HCN1: variants seen among roughly 807,000 people sequenced by gnomAD.
HCN1 encodes the protein hyperpolarization activated cyclic nucleotide gated potassium channel 1.
Under a neutral mutation model 78.9 loss-of-function variants are expected in HCN1, and 13 were observed. The observed-to-expected ratio is 0.16, with a 90% CI of 0.11 to 0.26. The LOEUF (loss-of-function observed/expected upper bound fraction) is 0.26. HCN1 is among the 10% of genes least tolerant of loss of function. The probability of loss-of-function intolerance (pLI) is 1.00; values close to 1 mark genes in which losing one functional copy is unlikely to be tolerated. For missense variants in HCN1, 810 were observed against 1,154.3 expected (o/e 0.70, Z 4.32); for synonymous variants, 552 against 455.5 (o/e 1.21, Z -2.70).
In HCN1 at chr5:45,528,810, T is replaced by A. The variant is rs16902160; in HGVS notation, c.850-66803A>T. On this transcript the variant is annotated intron_variant, in intron 2 of 7. Coordinates refer to ENST00000303230, the MANE Select transcript of HCN1 (RefSeq NM_021072.4). ...TTTTGAGTCTCAATCATAAGAAAAA[T>A]ATAGACCATGTCATTAAAATTGAAA... is the stretch of plus-strand genomic sequence containing the variant. 4.2e-3 allele frequency among the ~76,000 whole-genome samples: 632 copies of A among 151,948 alleles called. 27 individuals are homozygous for A. The East Asian group carries it at 0.11, about 27-fold the overall frequency.
chr5:45,564,560 C>T (rs1743670649), intron 2 of HCN1, among the ~76,000 whole-genome samples: 1 of 152,138 alleles, frequency 6.6e-6, no homozygotes, highest in Non-Finnish European at 1.5e-5. Context: ...ACAGAAAAGT[C>T]AATGTATGTT....
chr5:45,530,961 T>G (rs1367874592), intron 2 of HCN1, among the ~76,000 whole-genome samples: 2 of 152,008 alleles, frequency 1.3e-5, no homozygotes, highest in Non-Finnish European at 2.9e-5. Context: ...GTGGTGGTGG[T>G]AGACAGGTTT....
At chr5:45,589,438 G>T (rs1051751651) in intron 2 of HCN1, among the ~76,000 whole-genome samples, 22 of 152,202 alleles carry the variant, frequency 1.4e-4, no homozygotes, top group African/African-American at 5.1e-4. Flanking sequence ...ATTAGTGCAG[G>T]TGTAGCTTTT....
intron 5 of HCN1, among the ~76,000 whole-genome samples, chr5:45,348,449 C>A (rs1246211722): frequency 1.3e-5 from 2 of 152,150 alleles, no homozygotes; most frequent in Admixed American, 1.3e-4. Flanking sequence ...TAGGAAGAAA[C>A]TGCATCAACT....
At chr5:45,277,063 C>T (rs1389918501) in intron 6 of HCN1, among the ~76,000 whole-genome samples, 1 of 151,998 alleles carries the variant, frequency 6.6e-6, no homozygotes, top group Non-Finnish European at 1.5e-5. Context: ...CTGGTCTACA[C>T]TATTATTTTA....
intron 1 of HCN1, 34 bp from the exon 2 acceptor site, chr5:45,645,642 T>C (rs187135589): frequency 4.1e-6 from 6 of 1,469,354 alleles, no homozygotes; most frequent in African/African-American, 1.4e-5. Context: ...TTTTAAGATA[T>C]AGAAAATAAC....
intron 3 of HCN1, among the ~76,000 whole-genome samples, chr5:45,447,518 C>A (rs1188669369): frequency 6.6e-6 from 1 of 152,180 alleles, no homozygotes; most frequent in Non-Finnish European, 1.5e-5. Flanking sequence ...GCTGCGATTA[C>A]AGGCATGAGC....
chr5:45,422,737 C>T (rs929847596), intron 3 of HCN1, among the ~76,000 whole-genome samples: 1 of 152,084 alleles, frequency 6.6e-6, no homozygotes, highest in African/African-American at 2.4e-5. Flanking sequence ...CACCATAATA[C>T]ATCAGTTTAA....
At chr5:45,270,172 C>T (rs1744933123) in intron 6 of HCN1, among the ~76,000 whole-genome samples, 1 of 152,188 alleles carries the variant, frequency 6.6e-6, no homozygotes, top group Non-Finnish European at 1.5e-5. Context: ...TTCATATACT[C>T]ACACAACAGC....
intron 5 of HCN1, among the ~76,000 whole-genome samples, chr5:45,321,147 G>A (rs1746118388): frequency 1.3e-5 from 2 of 151,512 alleles, no homozygotes; most frequent in Admixed American, 6.6e-5. Context: ...TTTCCTCAAC[G>A]GTATCTCTGG....
At chr5:45,480,897 T>C (rs1741636914) in intron 2 of HCN1, among the ~76,000 whole-genome samples, 1 of 152,232 alleles carries the variant, frequency 6.6e-6, no homozygotes, top group South Asian at 2.1e-4. Context: ...GTAATATAAC[T>C]AGCATCTTTC....
intron 5 of HCN1, among the ~76,000 whole-genome samples, chr5:45,339,865 G>T (rs1579822427): frequency 6.6e-6 from 1 of 152,170 alleles, no homozygotes; most frequent in Non-Finnish European, 1.5e-5. Flanking sequence ...TTCCAGTGAA[G>T]ATCAGTGTAA....
intron 5 of HCN1, among the ~76,000 whole-genome samples, chr5:45,343,460 G>A (rs1046771567): frequency 6.6e-6 from 1 of 152,192 alleles, no homozygotes; most frequent in Non-Finnish European, 1.5e-5. Context: ...GGGAAAGGAA[G>A]CAAAGGCATG....
chr5:45,432,419 T>A (rs1003726457), intron 3 of HCN1, among the ~76,000 whole-genome samples: 19 of 152,274 alleles, frequency 1.2e-4, no homozygotes, highest in African/African-American at 4.6e-4. Flanking sequence ...GGATGCTTTT[T>A]CTTTCCTTCT....
rs774478577 is a variant in HCN1, at chr5:45,261,958, G to A, written c.2636C>T (p.Pro879Leu). 4 of 1,614,094 alleles carry A rather than the reference G, an allele frequency of 2.5e-6. No homozygotes were observed. Among genetic ancestry groups the A allele is most frequent in the Non-Finnish European group, 3.4e-6 (4 of 1,180,022 alleles). The change falls in exon 8 of 8, where the codon CCA (proline) becomes CTA (leucine). Residue 879 changes from proline (P) to leucine (L), a missense_variant. Transcript: ENST00000303230. ...AGCAAATCGTGGCTTTTCTGCGTCTGGGTCTGTGTTTAAGACTGAGGAAGA... is the reference window on the plus strand; with the variant it reads ...AGCAAATCGTGGCTTTTCTGCGTCTAGGTCTGTGTTTAAGACTGAGGAAGA... Reference protein sequence around the residue: ...RESSSVLNTDPDAEKPRFASN... With the variant: ...RESSSVLNTDLDAEKPRFASN...
At chr5:45,360,623 T>A (rs1297866520) in intron 4 of HCN1, among the ~76,000 whole-genome samples, 1 of 152,146 alleles carries the variant, frequency 6.6e-6, no homozygotes, top group Admixed American at 6.6e-5. Context: ...CTTCAATGCA[T>A]ATCTTTTAGA....
chr5:45,535,709 AAT>A (rs1281822197), intron 2 of HCN1, among the ~76,000 whole-genome samples: 1 of 151,964 alleles, frequency 6.6e-6, no homozygotes, highest in African/African-American at 2.4e-5. Context: ...GCATCAAATA[AAT>A]ATTTTTAATA....
chr5:45,667,198 A>G (rs1034421973), intron 1 of HCN1, among the ~76,000 whole-genome samples: 7 of 151,912 alleles, frequency 4.6e-5, no homozygotes, highest in Non-Finnish European at 8.8e-5. Flanking sequence ...CATACTTTCA[A>G]CTATCAGGAG....
chr5:45,288,533 T>C (rs1745312213), intron 6 of HCN1, among the ~76,000 whole-genome samples: 1 of 152,032 alleles, frequency 6.6e-6, no homozygotes, highest in Non-Finnish European at 1.5e-5. Context: ...GTGTTACACA[T>C]GTTAGGTCCT....
Sources: allele counts gnomAD v4.1 joint callset (sites outside exome capture counted in the v4.1 genomes callset), GRCh38; gene constraint gnomAD v4.1.1; transcripts MANE v1.5; gene names NCBI Gene and HGNC (gene_info 2026-07-23, HGNC 2026-07-21).